PARG: variants seen among roughly 807,000 people sequenced by gnomAD.
The protein encoded by PARG is mitochondrial poly(ADP-ribose) glycohydrolase.
A neutral mutation model predicts 113.0 loss-of-function variants in PARG; 35 were observed. The ratio of observed to expected loss-of-function variants is 0.31; its 90% CI spans 0.24 to 0.41. PARG has a LOEUF of 0.41. Ranked by LOEUF, PARG falls within the 10% of genes least tolerant of loss-of-function variation. PARG has a pLI of 1.00. For missense variants in PARG, 797 were observed against 1,169.4 expected (o/e 0.68, Z 4.64); for synonymous variants, 330 against 409.9 (o/e 0.81, Z 2.36).
At chr10:49,883,903 C>T (rs1847335334) in intron 8 of PARG, among the ~76,000 whole-genome samples, 3 of 149,906 alleles carry the variant, frequency 2.0e-5, no homozygotes, top group Admixed American at 2.0e-4. Flanking sequence ...ATGCTAGGTA[C>T]CTTGAGAAAA....
At chr10:49,865,486 C>T in intron 10 of PARG, 105 bp from the exon 11 acceptor site, 4 of 466,194 alleles carry the variant, frequency 8.6e-6, no homozygotes, top group South Asian at 2.1e-5. Flanking sequence ...CACACACACT[C>T]GGTAAAAGAA....
intron 15 of PARG, among the ~76,000 whole-genome samples, chr10:49,838,631 G>A (rs1322592166): frequency 6.6e-6 from 1 of 151,790 alleles, no homozygotes; most frequent in Non-Finnish European, 1.5e-5. Context: ...ATCAGACACT[G>A]CATTTAAAGC....
intron 8 of PARG, among the ~76,000 whole-genome samples, chr10:49,884,476 G>T (rs1847365209): frequency 6.6e-6 from 1 of 152,194 alleles, no homozygotes; most frequent in South Asian, 2.1e-4. Context: ...GCGCACGCCT[G>T]TAATCCCAGC....
At chr10:49,828,954 C>T (rs533740212) in intron 16 of PARG, among the ~76,000 whole-genome samples, 12 of 152,236 alleles carry the variant, frequency 7.9e-5, no homozygotes, top group African/African-American at 2.9e-4. Flanking sequence ...AAATATTTTG[C>T]CAGCCGGGCA....
chr10:49,910,769 T>C (rs2664457), intron 7 of PARG, among the ~76,000 whole-genome samples: 5 of 152,324 alleles, frequency 3.3e-5, no homozygotes, highest in East Asian at 1.9e-4. Flanking sequence ...TTTATACTTA[T>C]TGTGAATATT....
intron 16 of PARG, among the ~76,000 whole-genome samples, chr10:49,830,506 G>C (rs890689152): frequency 4.6e-5 from 7 of 152,158 alleles, no homozygotes; most frequent in Admixed American, 3.3e-4. Flanking sequence ...CTGATCGGTT[G>C]AAATAAATGA....
intron 7 of PARG, among the ~76,000 whole-genome samples, chr10:49,895,561 G>A (rs1171839951): frequency 3.3e-5 from 5 of 151,820 alleles, no homozygotes; most frequent in African/African-American, 1.2e-4. Context: ...CCGCCACCAC[G>A]CCTGGCTAAT....
intron 7 of PARG, among the ~76,000 whole-genome samples, chr10:49,906,700 T>C (rs1554845102): frequency 2.6e-5 from 4 of 151,998 alleles, no homozygotes; most frequent in African/African-American, 9.7e-5. Context: ...GACACTATAG[T>C]TGGTACATAG....
intron 7 of PARG, among the ~76,000 whole-genome samples, chr10:49,899,374 C>G (rs1848248147): frequency 6.6e-6 from 1 of 152,214 alleles, no homozygotes; most frequent in Admixed American, 6.5e-5. Flanking sequence ...GTGCACAACT[C>G]AGGCTGACAC....
At chr10:49,829,032 C>T (rs891651534) in intron 16 of PARG, among the ~76,000 whole-genome samples, 13 of 152,196 alleles carry the variant, frequency 8.5e-5, no homozygotes, top group Non-Finnish European at 1.8e-4. Flanking sequence ...GTCAGGAGTT[C>T]GAGACCAGCT....
chr10:49,940,304 CCA>C (rs1432324298), intron 1 of PARG, among the ~76,000 whole-genome samples: 1 of 144,970 alleles, frequency 6.9e-6, no homozygotes, highest in African/African-American at 2.6e-5. Flanking sequence ...CACACACCAG[CCA>C]CACAGACTTT....
chr10:49,862,009 A>C (rs1264854921), intron 11 of PARG, among the ~76,000 whole-genome samples: 3 of 151,886 alleles, frequency 2.0e-5, no homozygotes, highest in East Asian at 1.9e-4. Context: ...TCTGAGGAAA[A>C]ATGTAGAAAA....
At position 49,941,973 on chromosome 10, in the gene PARG, T is replaced by C. The variant is rs1839118241; in HGVS notation, c.-248A>G. The C allele has an allele frequency of 2.2e-6, 2 of 912,362 alleles. No individual in the cohort carries two copies. The highest frequency in any genetic ancestry group is 2.1e-5 in the Admixed American group (1 of 46,894). 56.5% of individuals were successfully genotyped at this position (912,362 alleles called of 1,614,324 possible). On this transcript the variant is annotated 5_prime_UTR_variant, in exon 1 of 18. Coordinates refer to ENST00000616448, the MANE Select transcript of PARG (RefSeq NM_003631.5). ...CCGCTTTGATTCGGGATTCGTTCAC[T>C]TTCCCACCACCGGAAAGCTGCCGTC...
At chr10:49,897,681 G>C (rs1327317167) in intron 7 of PARG, among the ~76,000 whole-genome samples, 1 of 152,198 alleles carries the variant, frequency 6.6e-6, no homozygotes, top group Non-Finnish European at 1.5e-5. Flanking sequence ...AGAGACTAAA[G>C]CTCCAAGAAA....
At position 49,941,671 on chromosome 10, in the gene PARG, C is replaced by T; in HGVS notation, c.55G>A (p.Ala19Thr). ...TCCGAAGCAGCCGGCGAAGTTGTAG[C>T]GGCGCCCCAGCGGGGTCGCTTGGTG... The part of the protein sequence containing the change: ...PCTKRPRWGA[A>T]TTSPAASDAR... Residue 19 changes from alanine (A) to threonine (T), a missense_variant, in exon 1 of 18, where the codon GCT becomes ACT. Ala to Thr is a moderately conservative substitution (Grantham distance 58). Around this residue, in one of 5 missense-constraint regions of PARG, gnomAD observed 27 missense variants for 54.3 expected, o/e 0.50. Transcript: ENST00000616448. 6.3e-7 allele frequency: 1 copy of T among 1,596,228 alleles called. No individual in the cohort carries two copies. The highest frequency in any genetic ancestry group is 8.5e-7 in the Non-Finnish European group (1 of 1,172,860).
intron 8 of PARG, among the ~76,000 whole-genome samples, chr10:49,883,819 A>C (rs1439962794): frequency 1.3e-4 from 18 of 143,652 alleles, no homozygotes; most frequent in Non-Finnish European, 2.5e-4. Flanking sequence ...AAAAAAAAAA[A>C]AAAAACAGGT....
At chr10:49,908,448 T>C (rs1554845480) in intron 7 of PARG, 2 of 152,132 alleles carry the variant, frequency 1.3e-5, no homozygotes, top group Non-Finnish European at 2.9e-5. Context: ...TGTAAAGTAA[T>C]GCAGACCTTA....
chr10:49,908,807 G>T (rs868907045), intron 7 of PARG, among the ~76,000 whole-genome samples: 2 of 151,984 alleles, frequency 1.3e-5, no homozygotes, highest in African/African-American at 4.8e-5. Flanking sequence ...CCACCAAAAG[G>T]CTATCATGGA....
intron 7 of PARG, among the ~76,000 whole-genome samples, chr10:49,896,832 T>TGCTCTC (rs199872131): frequency 1.6e-3 from 244 of 152,138 alleles, no homozygotes; most frequent in East Asian, 0.015. Flanking sequence ...AGTTGGAAAG[T>TGCTCTC]GCTCCCTCCT....
Sources: allele counts gnomAD v4.1 joint callset (sites outside exome capture counted in the v4.1 genomes callset), GRCh38; gene constraint gnomAD v4.1.1; regional missense constraint gnomAD v4.1.1; transcripts MANE v1.5; gene names NCBI Gene and HGNC (gene_info 2026-07-23, HGNC 2026-07-21).